SLC44A5: variants seen among roughly 807,000 people sequenced by gnomAD.
SLC44A5 encodes choline transporter-like protein 5.
A neutral mutation model predicts 101.8 loss-of-function variants in SLC44A5; 57 were observed. The observed-to-expected ratio is 0.56, with a 90% confidence interval of 0.45 to 0.70. The LOEUF is 0.70. SLC44A5 is among the 30% of genes least tolerant of loss of function. The probability of loss-of-function intolerance (pLI) is 0.00; values close to 1 mark genes in which losing one functional copy is unlikely to be tolerated. For synonymous variants in SLC44A5, 281 were observed against 290.9 expected (o/e 0.97, Z 0.35); for missense variants, 737 against 853.1 (o/e 0.86, Z 1.70).
intron 1 of SLC44A5, among the ~76,000 whole-genome samples, chr1:75,592,104 A>G (rs868708090): frequency 1.3e-5 from 2 of 152,172 alleles, no homozygotes; most frequent in African/African-American, 2.4e-5. Context: ...TTGTTTGCAG[A>G]TGATATGATC....
At chr1:75,595,626 T>C (rs761536177) in intron 1 of SLC44A5, among the ~76,000 whole-genome samples, 1 of 152,146 alleles carries the variant, frequency 6.6e-6, no homozygotes, top group African/African-American at 2.4e-5. Context: ...ACTATGTCTG[T>C]AAATTTCAGC....
chr1:75,698,136 T>G, the SLC44A5 span, among the ~76,000 whole-genome samples: 1 of 152,180 alleles, frequency 6.6e-6, no homozygotes, highest in Non-Finnish European at 1.5e-5. Flanking sequence ...AAGCTCAAAT[T>G]GGGTGGAGCC....
chr1:75,274,971 C>A lies in SLC44A5; in HGVS notation c.247G>T (p.Gly83Cys), dbSNP rs1255733448. Residue 83 changes from glycine (G) to cysteine (C), a missense_variant, in exon 6 of 24, where the codon GGC becomes TGC. Physicochemically the swap from Gly to Cys is radical, Grantham distance 159 (BLOSUM62 -3). Coordinates refer to ENST00000370859, the MANE Select transcript of SLC44A5 (RefSeq NM_001130058.2). ...GGCCATACTCACTCATTGGGAGTGC[C>A]CTTCTGGCCACAAAAGTGGCCCTGG... ...DSQGHFCGQK[G>C]TPNENKTILF... The A allele has an allele frequency of 6.2e-7, 1 of 1,612,292 alleles. No individual in the cohort carries two copies. Among genetic ancestry groups the A allele is most frequent in the African/African-American group, 1.3e-5 (1 of 74,834 alleles).
chr1:75,701,562 C>G, the SLC44A5 span, among the ~76,000 whole-genome samples: 1 of 152,078 alleles, frequency 6.6e-6, no homozygotes, highest in Non-Finnish European at 1.5e-5. Context: ...ACTGAATGGG[C>G]AAAAACTGGA....
chr1:75,471,148 T>C (rs1667086913), intron 2 of SLC44A5, among the ~76,000 whole-genome samples: 1 of 152,150 alleles, frequency 6.6e-6, no homozygotes, highest in African/African-American at 2.4e-5. Flanking sequence ...ACCTTTTTTT[T>C]ACGGCCTGGC....
intron 2 of SLC44A5, among the ~76,000 whole-genome samples, chr1:75,438,652 G>C (rs1487649057): frequency 6.6e-6 from 1 of 152,086 alleles, no homozygotes; most frequent in Non-Finnish European, 1.5e-5. Flanking sequence ...AATTAGTCCA[G>C]ATACCTCAAA....
chr1:75,404,361 C>T (rs1264458556), intron 2 of SLC44A5, among the ~76,000 whole-genome samples: 1 of 152,136 alleles, frequency 6.6e-6, no homozygotes, highest in Non-Finnish European at 1.5e-5. Flanking sequence ...CACAAAGATA[C>T]TCCTCGAGGA....
intron 2 of SLC44A5, among the ~76,000 whole-genome samples, chr1:75,479,156 G>A (rs1470906428): frequency 1.3e-5 from 2 of 152,118 alleles, no homozygotes; most frequent in Non-Finnish European, 2.9e-5. Context: ...TGACTACTGG[G>A]TACATAACGA....
At chr1:75,500,027 T>G (rs1000298412) in intron 2 of SLC44A5, among the ~76,000 whole-genome samples, 1 of 152,194 alleles carries the variant, frequency 6.6e-6, no homozygotes, top group Non-Finnish European at 1.5e-5. Flanking sequence ...GAAAGCCACC[T>G]GCTAAAGATG....
chr1:75,386,413 C>A (rs1389606358), intron 3 of SLC44A5, among the ~76,000 whole-genome samples: 1 of 151,996 alleles, frequency 6.6e-6, no homozygotes, highest in South Asian at 2.1e-4. Context: ...TATACACCAA[C>A]AACAGACAAA....
rs965851456 is a variant in SLC44A5 at position 75,489,269 on chromosome 1, G to A, written c.13+52166C>T. Among the ~76,000 whole-genome samples the A allele has an allele frequency of 4.3e-4, 66 of 152,286 alleles. 1 individual carries two copies. The highest frequency in any genetic ancestry group is 4.3e-3 in the Admixed American group (66 of 15,296). ...AAAAACATAAATTCATGTGTGTGAG[G>A]AGAGGAGGAGTCAGAAAGCTTTAAT... On this transcript the variant is annotated intron_variant, in intron 2 of 23. Coordinates refer to ENST00000370859, the MANE Select transcript of SLC44A5 (RefSeq NM_001130058.2).
chr1:75,697,310 G>T, the SLC44A5 span, among the ~76,000 whole-genome samples: 1 of 152,106 alleles, frequency 6.6e-6, no homozygotes, highest in African/African-American at 2.4e-5. Flanking sequence ...TGTGACAAAG[G>T]CCATGCTAGA....
At chr1:75,603,332 A>G (rs1032917761) in intron 1 of SLC44A5, among the ~76,000 whole-genome samples, 9 of 147,418 alleles carry the variant, frequency 6.1e-5, no homozygotes, top group African/African-American at 2.0e-4. Flanking sequence ...TTTTGGCTAT[A>G]TAGTATTCCA....
intron 5 of SLC44A5, among the ~76,000 whole-genome samples, chr1:75,277,501 A>C (rs1262457605): frequency 2.0e-5 from 3 of 152,232 alleles, no homozygotes; most frequent in East Asian, 3.8e-4. Context: ...TTTAACCACC[A>C]AACTAGAAAG....
intron 4 of SLC44A5, among the ~76,000 whole-genome samples, chr1:75,338,503 A>T (rs1489619068): frequency 1.3e-5 from 2 of 152,222 alleles, no homozygotes; most frequent in African/African-American, 4.8e-5. Context: ...GCTACATTCA[A>T]TGCTTACAAA....
rs535889872 is a variant in SLC44A5 at position 75,232,017 on chromosome 1, T to C, written c.853+1969A>G. 1.2e-4 allele frequency among the ~76,000 whole-genome samples: 19 copies of C among 152,298 alleles called. 1 individual carries two copies. The highest frequency in any genetic ancestry group is 1.2e-3 in the Admixed American group (18 of 15,300). Reference sequence around the variant, plus strand: ...GAAAAAATTGGTTTCTCATGATATGTAGAAAGTCAATTGTCCAGGATAGTA... The same window carrying C: ...GAAAAAATTGGTTTCTCATGATATGCAGAAAGTCAATTGTCCAGGATAGTA... On this transcript the variant is annotated intron_variant, in intron 12 of 23. Transcript: ENST00000370859.
intron 1 of SLC44A5, among the ~76,000 whole-genome samples, chr1:75,574,466 G>T (rs1673256793): frequency 6.6e-6 from 1 of 152,140 alleles, no homozygotes; most frequent in Non-Finnish European, 1.5e-5. Context: ...ATAAAATATT[G>T]ACAATAATAA....
intron 2 of SLC44A5, among the ~76,000 whole-genome samples, chr1:75,505,000 CT>C (rs1669168126): frequency 1.3e-5 from 2 of 152,044 alleles, no homozygotes; most frequent in South Asian, 4.1e-4. Flanking sequence ...CCTCTTCCCC[CT>C]CTCCCCTCTC....
the SLC44A5 span, among the ~76,000 whole-genome samples, chr1:75,624,445 T>C: frequency 2.0e-5 from 3 of 152,102 alleles, no homozygotes; most frequent in African/African-American, 7.2e-5. Flanking sequence ...TGTTAGTCAT[T>C]AATTTTTTTT....
Sources: gnomAD v4.1 joint callset for allele counts (sites outside exome capture counted in the v4.1 genomes callset) on GRCh38, gnomAD v4.1.1 for gene constraint, MANE v1.5 for transcripts, NCBI Gene and HGNC (gene_info 2026-07-23, HGNC 2026-07-21) for gene names.